The following ULK4 variants were observed in gnomAD, a reference collection of about 807,000 sequenced individuals.
ULK4 encodes the protein inactive serine/threonine-protein kinase ULK4.
In ULK4, 133 loss-of-function variants were observed where a neutral mutation model predicts 160.6. The ratio of observed to expected loss-of-function variants is 0.83; its 90% confidence interval spans 0.72 to 0.96. The LOEUF is 0.96. Among genes scored for constraint, ULK4 ranks in the 40% least tolerant of loss-of-function variants. The probability of loss-of-function intolerance (pLI) is 0.00; values close to 1 mark genes in which losing one functional copy is unlikely to be tolerated. For missense variants in ULK4, 1,580 were observed against 1,499.5 expected (o/e 1.05, Z -0.89); for synonymous variants, 534 against 539.8 (o/e 0.99, Z 0.15).
chr3:41,577,013 G>A lies in ULK4; in HGVS notation c.3121-10883C>T, dbSNP rs967475283. Among the ~76,000 whole-genome samples, 10 of 152,286 alleles carry A rather than the reference G, an allele frequency of 6.6e-5. 1 individual carries two copies. The South Asian group carries it at 1.5e-3, about 22-fold the overall frequency. On this transcript the variant is annotated intron_variant, in intron 31 of 36. Coordinates refer to ENST00000301831, the MANE Select transcript of ULK4 (RefSeq NM_017886.4). Reference sequence around the variant, plus strand: ...CACAAGGCAGTTTTCAATTAGAGTCGTCTTTTACTGTGGGAGTGTGCAAAT... The same window carrying A: ...CACAAGGCAGTTTTCAATTAGAGTCATCTTTTACTGTGGGAGTGTGCAAAT...
chr3:41,430,832 T>G (rs1314179239), intron 34 of ULK4, among the ~76,000 whole-genome samples: 1 of 152,096 alleles, frequency 6.6e-6, no homozygotes, highest in Non-Finnish European at 1.5e-5. Flanking sequence ...TCCACATTAT[T>G]AAATATCCAC....
chr3:41,809,907 C>T (rs2040767485), intron 19 of ULK4, among the ~76,000 whole-genome samples: 1 of 152,000 alleles, frequency 6.6e-6, no homozygotes, highest in African/African-American at 2.4e-5. Context: ...TATTAGTATA[C>T]AATAGAAAAC....
At chr3:41,855,998 A>G (rs562808012) in intron 17 of ULK4, among the ~76,000 whole-genome samples, 2 of 152,332 alleles carry the variant, frequency 1.3e-5, no homozygotes, top group African/African-American at 4.8e-5. Context: ...ACGTCAGATA[A>G]GAAATTAAAT....
intron 25 of ULK4, among the ~76,000 whole-genome samples, chr3:41,708,692 G>C (rs2036988886): frequency 6.6e-6 from 1 of 152,094 alleles, no homozygotes; most frequent in African/African-American, 2.4e-5. Context: ...CAGTAGGTGA[G>C]TATAGTTAAT....
intron 17 of ULK4, among the ~76,000 whole-genome samples, chr3:41,836,416 C>T (rs1372370913): frequency 6.6e-6 from 1 of 152,138 alleles, no homozygotes; most frequent in Non-Finnish European, 1.5e-5. Context: ...CAAGATCCAC[C>T]CACCTCGACC....
At chr3:41,264,551 A>G (rs1193408558) in intron 35 of ULK4, among the ~76,000 whole-genome samples, 2 of 152,240 alleles carry the variant, frequency 1.3e-5, no homozygotes, top group African/African-American at 2.4e-5. Flanking sequence ...CTGAGCAAAC[A>G]GGAGAAGAGT....
intron 17 of ULK4, among the ~76,000 whole-genome samples, chr3:41,849,438 G>A (rs2042152472): frequency 6.6e-6 from 1 of 152,130 alleles, no homozygotes; most frequent in Non-Finnish European, 1.5e-5. Context: ...TTCTGGAAAA[G>A]GCAACGCCAT....
intron 32 of ULK4, among the ~76,000 whole-genome samples, chr3:41,490,543 A>T (rs538901943): frequency 2.6e-5 from 4 of 152,316 alleles, no homozygotes; most frequent in Admixed American, 2.6e-4. Flanking sequence ...GCTTCTGTTC[A>T]TACCATTCAA....
intron 4 of ULK4, 26 bp from the exon 5 acceptor site, chr3:41,932,032 A>T (rs779914467): frequency 6.2e-7 from 1 of 1,600,394 alleles, no homozygotes; most frequent in East Asian, 2.2e-5. Context: ...AAATGTTTTC[A>T]GAAAAAAAAT....
chr3:41,875,002 C>G (rs969229479), intron 17 of ULK4, among the ~76,000 whole-genome samples: 4 of 151,930 alleles, frequency 2.6e-5, no homozygotes, highest in Admixed American at 2.6e-4. Flanking sequence ...TATGAGACAC[C>G]ATCTCTACTA....
At chr3:41,550,739 TCAA>T (rs953162687) in intron 32 of ULK4, among the ~76,000 whole-genome samples, 1 of 151,798 alleles carries the variant, frequency 6.6e-6, no homozygotes, top group Non-Finnish European at 1.5e-5. Flanking sequence ...GACAGAAAAA[TCAA>T]CAACAAAACA....
chr3:41,800,055 T>C, intron 20 of ULK4, 77 bp downstream of exon 20: 3 of 1,279,576 alleles, frequency 2.3e-6, no homozygotes, highest in Non-Finnish European at 3.1e-6. Flanking sequence ...ATTAAATTTA[T>C]TCTTATTCTA....
At chr3:41,377,904 G>A (rs1484580992) in intron 35 of ULK4, among the ~76,000 whole-genome samples, 1 of 150,472 alleles carries the variant, frequency 6.6e-6, no homozygotes, top group Non-Finnish European at 1.5e-5. Flanking sequence ...AAATCATGCT[G>A]CTATAAAGAC....
intron 35 of ULK4, chr3:41,258,362 T>A (rs2078875209): frequency 6.6e-6 from 1 of 152,230 alleles, no homozygotes; most frequent in South Asian, 2.1e-4. Flanking sequence ...CCTTGTCTAC[T>A]GTGATGCTGA....
intron 21 of ULK4, among the ~76,000 whole-genome samples, chr3:41,777,780 C>G (rs1484147276): frequency 7.2e-6 from 1 of 138,198 alleles, no homozygotes; most frequent in African/African-American, 2.8e-5. Flanking sequence ...GCACTGTGGT[C>G]TGAGAGATAG....
intron 2 of ULK4, among the ~76,000 whole-genome samples, chr3:41,944,768 T>G (rs978654271): frequency 6.6e-6 from 1 of 152,040 alleles, no homozygotes; most frequent in African/African-American, 2.4e-5. Context: ...ATATTTCAGT[T>G]CCAGCTTTCA....
chr3:41,653,128 T>C (rs1483423135), intron 30 of ULK4, among the ~76,000 whole-genome samples: 1 of 152,162 alleles, frequency 6.6e-6, no homozygotes, highest in Non-Finnish European at 1.5e-5. Flanking sequence ...ATCTTTCCAA[T>C]GCAAACTAAC....
rs568918060 is a variant in ULK4 at position 41,794,884 on chromosome 3, C to T, written c.2011-5041G>A. 1.1e-3 allele frequency among the ~76,000 whole-genome samples: 170 copies of T among 151,944 alleles called. No homozygotes were observed. In the South Asian group the frequency reaches 0.014, roughly 12 times the overall value. Reference sequence around the variant, plus strand: ...CAGGAAACAGCAAGGAGGAAAGGTCCTGAGGCAGAAAAATACTTGGAAATC... The same window carrying T: ...CAGGAAACAGCAAGGAGGAAAGGTCTTGAGGCAGAAAAATACTTGGAAATC... On this transcript the variant is annotated intron_variant, in intron 20 of 36. Transcript: ENST00000301831.
chr3:41,842,060 G>A (rs970633446), intron 17 of ULK4, among the ~76,000 whole-genome samples: 5 of 150,432 alleles, frequency 3.3e-5, no homozygotes, highest in African/African-American at 4.9e-5. Flanking sequence ...GTGTTTATAT[G>A]CTGACCTTCT....
Sources: gnomAD v4.1 joint callset for allele counts (sites outside exome capture counted in the v4.1 genomes callset) on GRCh38, gnomAD v4.1.1 for gene constraint, MANE v1.5 for transcripts, NCBI Gene and HGNC (gene_info 2026-07-23, HGNC 2026-07-21) for gene names.